MTA3: variants seen among roughly 807,000 people sequenced by gnomAD.
The protein encoded by MTA3 is metastasis-associated protein MTA3.
Under a neutral mutation model 83.5 loss-of-function variants are expected in MTA3, and 34 were observed. The ratio of observed to expected loss-of-function variants is 0.41; its 90% CI spans 0.31 to 0.54. The LOEUF is 0.54. Among genes scored for constraint, MTA3 ranks in the 20% least tolerant of loss-of-function variants. The pLI, the probability that MTA3 is intolerant of heterozygous loss-of-function variation, is 0.33. For synonymous variants in MTA3, 303 were observed against 252.7 expected (o/e 1.20, Z -1.89); for missense variants, 761 against 726.4 (o/e 1.05, Z -0.55).
chr2:42,722,909 C>G lies in MTA3; in HGVS notation c.1633C>G (p.Pro545Ala). The G allele has an allele frequency of 6.5e-7, 1 of 1,546,922 alleles. No individual in the cohort carries two copies. The highest frequency in any genetic ancestry group is 1.2e-5 in the South Asian group (1 of 83,732). Residue 545 changes from proline (P) to alanine (A), a missense_variant, in exon 16 of 17, where the codon CCT becomes GCT. By Grantham distance (27) the Pro-to-Ala change is conservative. Transcript: ENST00000405094. ...ATCAGAGATCCATCCTGCAAAGAAA[C>G]CTAATGTAATTCGATCTACACCAAG... is the stretch of plus-strand genomic sequence containing the variant. The part of the protein sequence containing the change: ...GYLEIHPAKK[P>A]NVIRSTPSLQ...
intron 3 of MTA3, among the ~76,000 whole-genome samples, chr2:42,582,336 G>C (rs1679761603): frequency 6.6e-6 from 1 of 152,210 alleles, no homozygotes; most frequent in Non-Finnish European, 1.5e-5. Context: ...GGGATTACAG[G>C]CGTGAGCCAC....
At chr2:42,669,674 T>C (rs1690620468) in intron 8 of MTA3, among the ~76,000 whole-genome samples, 1 of 152,208 alleles carries the variant, frequency 6.6e-6, no homozygotes, top group Admixed American at 6.5e-5. Flanking sequence ...CTATTACAGA[T>C]GAGTGTGGAG....
In MTA3 at chr2:42,755,094, C is replaced by T; in HGVS notation, c.*1695C>T. The stretch of plus-strand genomic sequence containing the variant: ...AGGCAGGGGTTCTCCTCAGGGTTCC[C>T]ACTGAGGGGTCCCTTCAGCAAAGAC... On this transcript the variant is annotated 3_prime_UTR_variant, in exon 17 of 17. Transcript: ENST00000405094. The T allele has an allele frequency of 2.0e-6, 2 of 985,440 alleles. No homozygotes were observed. The highest frequency in any genetic ancestry group is 2.4e-6 in the Non-Finnish European group (2 of 829,994). 61.0% of individuals were successfully genotyped at this position (985,440 alleles called of 1,614,324 possible).
chr2:42,653,567 A>T (rs958953166), intron 6 of MTA3, among the ~76,000 whole-genome samples: 6 of 152,282 alleles, frequency 3.9e-5, no homozygotes, highest in African/African-American at 1.4e-4. Flanking sequence ...TGATCGTTTG[A>T]TATAGAGAAT....
chr2:42,686,261 T>G (rs1031824585), intron 9 of MTA3, among the ~76,000 whole-genome samples: 1 of 152,222 alleles, frequency 6.6e-6, no homozygotes, highest in Non-Finnish European at 1.5e-5. Context: ...ATTTTTATAT[T>G]TAGTGGTTAG....
chr2:42,623,229 C>T (rs749585417), intron 4 of MTA3, among the ~76,000 whole-genome samples: 2 of 152,194 alleles, frequency 1.3e-5, no homozygotes, highest in African/African-American at 4.8e-5. Flanking sequence ...GTGAAGGACA[C>T]CTGGATCCTG....
intron 6 of MTA3, among the ~76,000 whole-genome samples, chr2:42,652,784 A>C (rs185972695): frequency 6.6e-6 from 1 of 152,296 alleles, no homozygotes; most frequent in East Asian, 1.9e-4. Flanking sequence ...AATTATAGTA[A>C]CTTGTTATTC....
intron 2 of MTA3, among the ~76,000 whole-genome samples, chr2:42,517,939 A>T (rs1675228095): frequency 6.6e-6 from 1 of 151,874 alleles, no homozygotes; most frequent in Non-Finnish European, 1.5e-5. Flanking sequence ...TAATCCGAGC[A>T]CTTTGGGAGG....
At chr2:42,606,210 C>T (rs1458024710) in intron 3 of MTA3, among the ~76,000 whole-genome samples, 267 of 95,204 alleles carry the variant, frequency 2.8e-3, no homozygotes, top group South Asian at 6.9e-3. Flanking sequence ...CCCCCCCCCA[C>T]CTCCCTCCCG....
At chr2:42,715,280 G>T (rs1330433821) in intron 14 of MTA3, among the ~76,000 whole-genome samples, 1 of 152,064 alleles carries the variant, frequency 6.6e-6, no homozygotes, top group East Asian at 1.9e-4. Context: ...TATTTCCTCA[G>T]GGCCAACTGT....
intron 2 of MTA3, among the ~76,000 whole-genome samples, chr2:42,543,638 AG>A: frequency 7.0e-6 from 1 of 143,430 alleles, no homozygotes; most frequent in South Asian, 2.3e-4. Flanking sequence ...CTCACTTGGG[AG>A]GTTACTGATT....
At position 42,753,277 on chromosome 2, in the gene MTA3, G is replaced by A. The variant is rs571055978; in HGVS notation, c.1760-97G>A. 3.2e-4 allele frequency: 491 copies of A among 1,539,608 alleles called. 5 individuals are homozygous for A. The South Asian group carries it at 4.7e-3, about 15-fold the overall frequency. On this transcript the variant is annotated intron_variant, in intron 16 of 16. Coordinates refer to ENST00000405094, the MANE Select transcript of MTA3 (RefSeq NM_001330442.2). ...TACTGCTGAGCCTCCTTTCCCTGAA[G>A]GTTGTGATGTTGGGAGGGGTGAGTC...
chr2:42,689,820 C>T (rs1692712796), intron 9 of MTA3, among the ~76,000 whole-genome samples: 1 of 98,298 alleles, frequency 1.0e-5, no homozygotes, highest in Non-Finnish European at 1.9e-5. Context: ...AGGAGTTTAT[C>T]AGTGTTGTTG....
chr2:42,566,843 CT>C (rs1334596698), upstream of MTA3, among the ~76,000 whole-genome samples: 1 of 152,204 alleles, frequency 6.6e-6, no homozygotes, highest in Non-Finnish European at 1.5e-5. Context: ...TGGAGAAACA[CT>C]GTGGTTCAGA....
At chr2:42,499,214 C>G (rs1674284118) in intron 2 of MTA3, among the ~76,000 whole-genome samples, 1 of 150,650 alleles carries the variant, frequency 6.6e-6, no homozygotes, top group South Asian at 2.1e-4. Context: ...TTTGCCTAGG[C>G]TGGAGTGCAA....
chr2:42,610,700 G>C (rs780367656), intron 4 of MTA3, among the ~76,000 whole-genome samples: 4 of 151,984 alleles, frequency 2.6e-5, no homozygotes, highest in Non-Finnish European at 4.4e-5. Flanking sequence ...TCTTACCCTC[G>C]GTCAGGAAAG....
At chr2:42,532,285 T>A (rs981086547) in intron 2 of MTA3, among the ~76,000 whole-genome samples, 2 of 152,146 alleles carry the variant, frequency 1.3e-5, no homozygotes, top group Non-Finnish European at 2.9e-5. Context: ...TTGAGATGGG[T>A]GGATCACTTG....
chr2:42,682,376 T>C (rs1168771110), intron 8 of MTA3, 25 bp from the exon 9 acceptor site: 3 of 1,528,276 alleles, frequency 2.0e-6, no homozygotes, highest in South Asian at 1.3e-5. Flanking sequence ...CTGGTTGATA[T>C]TTTCTGTTCA....
chr2:42,754,971 C>T lies in MTA3; in HGVS notation c.*1572C>T. 1.0e-6 allele frequency: 1 copy of T among 985,442 alleles called. No homozygotes were observed. The highest frequency in any genetic ancestry group is 1.2e-6 in the Non-Finnish European group (1 of 830,042). The allele number at this position is 985,442 out of a possible 1,614,324, so 61.0% of individuals were successfully genotyped here. On this transcript the variant is annotated 3_prime_UTR_variant, in exon 17 of 17. Coordinates refer to ENST00000405094, the MANE Select transcript of MTA3 (RefSeq NM_001330442.2). ...CTGCAAGGGCGAGCATGGGATGTCT[C>T]CACCACCACCCACTCTTGGAGCTGT...
Sources: gnomAD v4.1 joint callset for allele counts (sites outside exome capture counted in the v4.1 genomes callset) on GRCh38, gnomAD v4.1.1 for gene constraint, MANE v1.5 for transcripts, NCBI Gene and HGNC (gene_info 2026-07-23, HGNC 2026-07-21) for gene names.